BCKDK: variants seen among roughly 807,000 people sequenced by gnomAD.
BCKDK encodes branched-chain alpha-ketoacid dehydrogenase kinase.
In BCKDK, 28 loss-of-function variants were observed where a neutral mutation model predicts 43.9. The ratio of observed to expected loss-of-function variants is 0.64; its 90% confidence interval spans 0.47 to 0.87. The LOEUF is 0.87. Ranked by LOEUF, BCKDK falls within the 40% of genes least tolerant of loss-of-function variation. BCKDK has a pLI of 0.00. For synonymous variants in BCKDK, 257 were observed against 234.3 expected (o/e 1.10, Z -0.88); for missense variants, 483 against 581.4 (o/e 0.83, Z 1.74).
At chr16:31,115,297 A>T (rs1394738831), downstream of BCKDK, among the ~76,000 whole-genome samples, 3 of 143,246 alleles carry the variant, frequency 2.1e-5, no homozygotes, top group African/African-American at 7.9e-5. Context: ...ATCTCAGCTC[A>T]CCACAACCTC....
chr16:31,116,331 G>A (rs1347975412), downstream of BCKDK, among the ~76,000 whole-genome samples: 2 of 151,102 alleles, frequency 1.3e-5, no homozygotes, highest in Non-Finnish European at 2.9e-5. Context: ...TCCTGCCTCA[G>A]CCTCCCGAGT....
At position 31,110,924 on chromosome 16, in the gene BCKDK, C is replaced by A; in HGVS notation, c.716+163C>A. The A allele has an allele frequency of 7.5e-7, 1 of 1,330,752 alleles. No individual in the cohort carries two copies. The highest frequency in any genetic ancestry group is 1.0e-6 in the Non-Finnish European group (1 of 958,814). 82.4% of individuals were successfully genotyped at this position (1,330,752 alleles called of 1,614,324 possible). A position where few individuals can be genotyped will look rare whatever the true frequency, so the allele number is the denominator to read the frequency against. On this transcript the variant is annotated intron_variant, in intron 8 of 11. Transcript: ENST00000219794. This position sits in a 1 kb window ranked among gnomAD's most constrained non-coding sequence, Gnocchi z 5.4. ...TCTTTGTCACAGGGGCTGCCCCGTG[C>A]ACGTTAGGAAGTTCAGCAGCATCCC...
chr16:31,111,502 C>T, intron 10 of BCKDK, 113 bp downstream of exon 10: 2 of 1,195,168 alleles, frequency 1.7e-6, no homozygotes, highest in Non-Finnish European at 2.4e-6. Flanking sequence ...GACTTGGTCC[C>T]TGACCAGACA....
At position 31,109,590 on chromosome 16, in the gene BCKDK, C is replaced by T. The variant is rs1211296458; in HGVS notation, c.264+11C>T. The T allele has an allele frequency of 1.9e-6, 3 of 1,614,054 alleles. No individual in the cohort carries two copies. The highest frequency in any genetic ancestry group is 2.2e-5 in the East Asian group (1 of 44,878). On this transcript the variant is annotated intron_variant, in intron 3 of 11. Transcript: ENST00000219794. This position sits in a 1 kb window ranked among gnomAD's most constrained non-coding sequence, Gnocchi z 5.3. ...GGCAGCCACCTTCTGGTAAGATTCA[C>T]GCCCTCTATTTTCCTCGTGGATCCT...
chr16:31,110,710 G>A lies in BCKDK; in HGVS notation c.665G>A (p.Cys222Tyr). ...CAGCCTGACTTTGTCGGCATCATCT[G>A]TACTCGTCTCTCACCAAAGAAGATT... is the stretch of plus-strand genomic sequence containing the variant. ...EDKPDFVGII[C>Y]TRLSPKKIIE... Residue 222 changes from cysteine to tyrosine, a missense_variant, in exon 8 of 12, where the codon TGT becomes TAT. Cys to Tyr is a radical substitution (Grantham distance 194). Coordinates refer to ENST00000219794, the MANE Select transcript of BCKDK (RefSeq NM_005881.4). This position sits in a 1 kb window ranked among gnomAD's most constrained non-coding sequence, Gnocchi z 5.4. The A allele has an allele frequency of 6.2e-7, 1 of 1,614,130 alleles. No homozygotes were observed. The highest frequency in any genetic ancestry group is 8.5e-7 in the Non-Finnish European group (1 of 1,180,038).
chr16:31,109,476 G>T lies in BCKDK; in HGVS notation c.196-35G>T, dbSNP rs2057392049. 2 of 1,613,600 alleles carry T rather than the reference G, an allele frequency of 1.2e-6. No individual in the cohort carries two copies. The highest frequency in any genetic ancestry group is 2.2e-5 in the East Asian group (1 of 44,838). On this transcript the variant is annotated intron_variant, in intron 2 of 11. Transcript: ENST00000219794. The surrounding 1 kb of genome is among the most constrained non-coding windows in gnomAD (Gnocchi z 5.3). ...GATGTAGGCGGGAGGGAGAGTGTTG[G>T]GGGTTCTCTGCTCAAGGCCTCTCTC...
At position 31,111,213 on chromosome 16, in the gene BCKDK, C is replaced by T; in HGVS notation, c.839C>T (p.Ala280Val). ...ATCCTGCCGGAGCTGCTCAAGAATG[C>T]CATGAGGTGGGGTGGCTTGATGTGC... ...DYILPELLKNAMRATMESHLD... is the reference protein window; with the variant it reads ...DYILPELLKNVMRATMESHLD... The change falls in exon 9 of 12, where the codon GCC becomes GTC. Residue 280 changes from alanine (A) to valine (V), a missense_variant. By Grantham distance (64) the Ala-to-Val change is moderately conservative. Transcript: ENST00000219794. The T allele has an allele frequency of 1.9e-6, 3 of 1,614,184 alleles. No individual in the cohort carries two copies. The highest frequency in any genetic ancestry group is 1.7e-6 in the Non-Finnish European group (2 of 1,180,028).
In BCKDK at chr16:31,112,398, T is replaced by C; in HGVS notation, c.*133T>C. ...GTCTCAGGGACCCAGACAGATGGAC[T>C]TACATGGAGCTGGGCACTGCCCTGC... On this transcript the variant is annotated 3_prime_UTR_variant, in exon 12 of 12. Coordinates refer to ENST00000219794, the MANE Select transcript of BCKDK (RefSeq NM_005881.4). This position sits in a 1 kb window ranked among gnomAD's most constrained non-coding sequence, Gnocchi z 5.0. The C allele has an allele frequency of 1.4e-6, 2 of 1,410,790 alleles. No homozygotes were observed. Among genetic ancestry groups the C allele is most frequent in the African/African-American group, 2.8e-5 (2 of 70,836 alleles). 87.4% of individuals were successfully genotyped at this position (1,410,790 alleles called of 1,614,324 possible).
At chr16:31,115,142 T>C (rs112317498), downstream of BCKDK, among the ~76,000 whole-genome samples, 3 of 152,004 alleles carry the variant, frequency 2.0e-5, no homozygotes, top group African/African-American at 7.2e-5. Flanking sequence ...AAGCTGGTTT[T>C]GAACTCCTGA....
intron 10 of BCKDK, 117 bp downstream of exon 10, chr16:31,111,506 C>G: frequency 8.8e-7 from 1 of 1,137,724 alleles, no homozygotes; most frequent in Non-Finnish European, 1.3e-6. Context: ...TGGTCCCTGA[C>G]CAGACAAACT....
rs1469168393 is a variant in BCKDK at position 31,109,597 on chromosome 16, T to G, written c.264+18T>G. The G allele has an allele frequency of 4.3e-6, 7 of 1,613,880 alleles. No homozygotes were observed. The highest frequency in any genetic ancestry group is 5.9e-6 in the Non-Finnish European group (7 of 1,179,976). On this transcript the variant is annotated intron_variant, in intron 3 of 11. Coordinates refer to ENST00000219794, the MANE Select transcript of BCKDK (RefSeq NM_005881.4). The surrounding 1 kb of genome is among the most constrained non-coding windows in gnomAD (Gnocchi z 5.3). Reference sequence around the variant, plus strand: ...ACCTTCTGGTAAGATTCACGCCCTCTATTTTCCTCGTGGATCCTGGAGCTC... The same window carrying G: ...ACCTTCTGGTAAGATTCACGCCCTCGATTTTCCTCGTGGATCCTGGAGCTC...
At position 31,110,762 on chromosome 16, in the gene BCKDK, GT is replaced by G. The variant is rs1387144809; in HGVS notation, c.716+2del. The G allele has an allele frequency of 6.2e-7, 1 of 1,613,946 alleles. No individual in the cohort carries two copies. Among genetic ancestry groups the G allele is most frequent in the Non-Finnish European group, 8.5e-7 (1 of 1,179,850 alleles). On this transcript the variant is annotated splice_donor_variant, in intron 8 of 11. Coordinates refer to ENST00000219794, the MANE Select transcript of BCKDK (RefSeq NM_005881.4). LOFTEE classifies it high-confidence loss of function. The surrounding 1 kb of genome is among the most constrained non-coding windows in gnomAD (Gnocchi z 5.4). ...TTGAGAAGTGGGTGGACTTTGCCAG[GT>G]GAGGCAAGAATGGCTCAGGGGGTGG...
At position 31,112,478 on chromosome 16, in the gene BCKDK, AC is replaced by A. The variant is rs1305607986; in HGVS notation, c.*216del. 8 of 733,034 alleles carry A rather than the reference AC, an allele frequency of 1.1e-5. No homozygotes were observed. Among genetic ancestry groups the A allele is most frequent in the Non-Finnish European group, 1.6e-5 (7 of 429,858 alleles). The allele number at this position is 733,034 out of a possible 1,614,324, so 45.4% of individuals were successfully genotyped here. A position where few individuals can be genotyped will look rare whatever the true frequency, so the allele number is the denominator to read the frequency against. On this transcript the variant is annotated 3_prime_UTR_variant, in exon 12 of 12. Coordinates refer to ENST00000219794, the MANE Select transcript of BCKDK (RefSeq NM_005881.4). This position sits in a 1 kb window ranked among gnomAD's most constrained non-coding sequence, Gnocchi z 5.0. ...CAGAACTTGGAGCAGGGAAGTGGGC[AC>A]CCTGAGGCCTCCAGCACCAGTTCCG...
downstream of BCKDK, among the ~76,000 whole-genome samples, chr16:31,116,289 T>G (rs1467405212): frequency 2.0e-5 from 3 of 149,950 alleles, no homozygotes; most frequent in Admixed American, 6.6e-5. Context: ...CTCGGCTCAC[T>G]GCAACCTCCG....
chr16:31,109,768 C>T lies in BCKDK; in HGVS notation c.360C>T (p.Pro120=). The T allele has an allele frequency of 6.2e-7, 1 of 1,613,806 alleles. No individual in the cohort carries two copies. The highest frequency in any genetic ancestry group is 8.5e-7 in the Non-Finnish European group (1 of 1,179,996). The part of the protein sequence containing the change: ...RCLPFIIGCN[P]TILHVHELYI... ...TTCCTTTCATCATTGGCTGCAACCCCACCATACTGCACGTGGTAAGGTAGA... is the reference window on the plus strand; with the variant it reads ...TTCCTTTCATCATTGGCTGCAACCCTACCATACTGCACGTGGTAAGGTAGA... Residue 120 remains proline, a synonymous_variant, in exon 4 of 12, where the codon CCC becomes CCT. Coordinates refer to ENST00000219794, the MANE Select transcript of BCKDK (RefSeq NM_005881.4). The surrounding 1 kb of genome is among the most constrained non-coding windows in gnomAD (Gnocchi z 5.3).
At position 31,110,018 on chromosome 16, in the gene BCKDK, G is replaced by A. The variant is rs2057397301; in HGVS notation, c.376-59G>A. Reference sequence around the variant, plus strand: ...GTGATCCCCATGGGTAGGTGGGGGTGGCTGTTCTCTGCTCAGTGCCCATGC... The same window carrying A: ...GTGATCCCCATGGGTAGGTGGGGGTAGCTGTTCTCTGCTCAGTGCCCATGC... On this transcript the variant is annotated intron_variant, in intron 4 of 11. Transcript: ENST00000219794. The surrounding 1 kb of genome is among the most constrained non-coding windows in gnomAD (Gnocchi z 5.4). The A allele has an allele frequency of 1.2e-6, 2 of 1,609,466 alleles. No individual in the cohort carries two copies. The highest frequency in any genetic ancestry group is 1.3e-5 in the African/African-American group (1 of 74,856).
At chr16:31,111,808 G>A in intron 10 of BCKDK, 61 bp from the exon 11 acceptor site, 15 of 1,591,978 alleles carry the variant, frequency 9.4e-6, no homozygotes, top group Admixed American at 5.1e-5. Context: ...CTGTCTGCTT[G>A]GGGGGTGGTG....
rs771351907 is a variant in BCKDK, at chr16:31,111,290, C to G, written c.846-10C>G. The G allele has an allele frequency of 1.9e-6, 3 of 1,614,162 alleles. No individual in the cohort carries two copies. Among genetic ancestry groups the G allele is most frequent in the Non-Finnish European group, 2.5e-6 (3 of 1,180,020 alleles). ...GTGCTTGTACCTACTGGTCTTTCCC[C>G]TCTGCATAGAGCCACAATGGAGAGT... On this transcript the variant is annotated splice_polypyrimidine_tract_variant and intron_variant, in intron 9 of 11. Coordinates refer to ENST00000219794, the MANE Select transcript of BCKDK (RefSeq NM_005881.4).
In BCKDK at chr16:31,110,093, G is replaced by T. The variant is rs561815533; in HGVS notation, c.392G>T (p.Arg131Leu). 8 of 1,614,122 alleles carry T rather than the reference G, an allele frequency of 5.0e-6. No individual in the cohort carries two copies. The African/African-American group carries it at 8.0e-5, about 16-fold the overall frequency. Reference sequence around the variant, plus strand: ...TCCTTGCAGCATGAGCTATATATCCGTGCCTTCCAGAAGCTGACAGACTTC... The same window carrying T: ...TCCTTGCAGCATGAGCTATATATCCTTGCCTTCCAGAAGCTGACAGACTTC... ...TILHVHELYI[R>L]AFQKLTDFPP... is the part of the protein sequence containing the mutation. Residue 131 changes from arginine (R) to leucine (L), a missense_variant, in exon 5 of 12, where the codon CGT (arginine) becomes CTT (leucine). Coordinates refer to ENST00000219794, the MANE Select transcript of BCKDK (RefSeq NM_005881.4). The surrounding 1 kb of genome is among the most constrained non-coding windows in gnomAD (Gnocchi z 5.4).
Sources: gnomAD v4.1 joint callset for allele counts (sites outside exome capture counted in the v4.1 genomes callset) on GRCh38, gnomAD v4.1.1 for gene constraint, Gnocchi (gnomAD v3.1) non-coding constraint, MANE v1.5 for transcripts, NCBI Gene and HGNC (gene_info 2026-07-23, HGNC 2026-07-21) for gene names.